Variants in SOD3 observed in about 807,000 individuals in gnomAD.
SOD3 encodes the protein superoxide dismutase 3, also known as extracellular superoxide dismutase [Cu-Zn].
SOD3 carries 3 observed loss-of-function variants against 2.6 expected under a neutral mutation model. That is an observed-to-expected ratio of 1.13 (90% CI 0.52 to 2.93). The LOEUF (loss-of-function observed/expected upper bound fraction) is 2.93. SOD3 is among the 30% of genes most tolerant of loss of function. The pLI is 0.04. For missense variants in SOD3, 379 were observed against 370.4 expected, an observed-to-expected ratio of 1.02 and a Z score of -0.19; for synonymous variants, 188 against 177.5, an observed-to-expected ratio of 1.06 and a Z score of -0.47.
rs1381983950 is a variant in SOD3, at chr4:24,800,112, G to A, written c.591G>A (p.Glu197=). 4 of 1,381,780 alleles carry A rather than the reference G, an allele frequency of 2.9e-6. No homozygotes were observed. The highest frequency in any genetic ancestry group is 3.7e-6 in the Non-Finnish European group (4 of 1,078,480). The allele number at this position is 1,381,780 out of a possible 1,614,324, so 85.6% of individuals were successfully genotyped here. ...LGRGGNQASV[E]NGNAGRRLAC... is the part of the protein sequence containing the mutation. The stretch of plus-strand genomic sequence containing the variant: ...GCGGCGGCAACCAGGCCAGCGTGGA[G>A]AACGGGAACGCGGGCCGGCGGCTGG... The change falls in exon 2 of 2, where the codon GAG becomes GAA. Residue 197 remains glutamate (E), a synonymous_variant. Transcript: ENST00000382120.
chr4:24,799,413 G>A lies in SOD3; in HGVS notation c.-16-93G>A, dbSNP rs1225722074. 7.0e-6 allele frequency: 10 copies of A among 1,436,754 alleles called. No homozygotes were observed. The Admixed American group carries it at 2.3e-4, about 33-fold the overall frequency. 89.0% of individuals were successfully genotyped at this position (1,436,754 alleles called of 1,614,324 possible). Reference sequence around the variant, plus strand: ...GGCCAGGAAGCCCACTGGGGACTGGGGGGTTGGTTCTGCGATAATGGGGTC... The same window carrying A: ...GGCCAGGAAGCCCACTGGGGACTGGAGGGTTGGTTCTGCGATAATGGGGTC... On this transcript the variant is annotated intron_variant, in intron 1 of 1. Transcript: ENST00000382120.
chr4:24,800,045 G>A lies in SOD3; in HGVS notation c.524G>A (p.Gly175Asp), dbSNP rs373731075. The A allele has an allele frequency of 1.2e-3, 1,783 of 1,487,564 alleles. 5 individuals carry two copies. Among genetic ancestry groups the A allele is most frequent in the Non-Finnish European group, 1.3e-3 (1,413 of 1,129,458 alleles). 92.1% of individuals were successfully genotyped at this position (1,487,564 alleles called of 1,614,324 possible). A position where few individuals can be genotyped will look rare whatever the true frequency, so the allele number is the denominator to read the frequency against. ...ASLAGPHSIV[G>D]RAVVVHAGED... ...CTCGCGGGCCCGCACTCCATCGTGG[G>A]CCGGGCCGTGGTCGTCCACGCTGGC... Residue 175 changes from glycine to aspartate, a missense_variant, in exon 2 of 2, where the codon GGC becomes GAC. By Grantham distance (94) the Gly-to-Asp change is moderately conservative. Transcript: ENST00000382120.
At chr4:24,797,878 T>C (rs17881426) in intron 1 of SOD3, among the ~76,000 whole-genome samples, 1 of 152,090 alleles carries the variant, frequency 6.6e-6, no homozygotes, top group African/African-American at 2.4e-5. Flanking sequence ...AATACCTCGG[T>C]GGCATGGCTG....
Position 24,799,758 on chromosome 4 carries a change from C to T in SOD3, c.237C>T (p.Thr79=), listed in dbSNP as rs1713781081. ...TGGACGCCGCGCAGCCCCGGGTGAC[C>T]GGCGTCGTCCTCTTCCGGCAGCTTG... ...ATLDAAQPRV[T]GVVLFRQLAP... Residue 79 remains threonine (T), a synonymous_variant, in exon 2 of 2, where the codon ACC becomes ACT. Transcript: ENST00000382120. The T allele has an allele frequency of 4.5e-6, 7 of 1,564,148 alleles. No homozygotes were observed. The highest frequency in any genetic ancestry group is 6.0e-6 in the Non-Finnish European group (7 of 1,161,390).
chr4:24,799,498 T>G lies in SOD3; in HGVS notation c.-16-8T>G, dbSNP rs1337765298. 6.3e-7 allele frequency: 1 copy of G among 1,595,572 alleles called. No homozygotes were observed. The highest frequency in any genetic ancestry group is 1.7e-5 in the Admixed American group (1 of 59,594). ...CTCTGCCCCCACCTCCGCGGGGGCG[T>G]CCCGCAGGTGCCCGACTCCAGCCAT... On this transcript the variant is annotated splice_polypyrimidine_tract_variant and splice_region_variant and intron_variant, in intron 1 of 1. Transcript: ENST00000382120.
In SOD3 at chr4:24,800,204, G is replaced by A. The variant is rs1329382617; in HGVS notation, c.683G>A (p.Arg228His). The A allele has an allele frequency of 1.4e-6, 2 of 1,432,504 alleles. No homozygotes were observed. Among genetic ancestry groups the A allele is most frequent in the Non-Finnish European group, 1.8e-6 (2 of 1,099,192 alleles). The allele number at this position is 1,432,504 out of a possible 1,614,324, so 88.7% of individuals were successfully genotyped here. A position where few individuals can be genotyped will look rare whatever the true frequency, so the allele number is the denominator to read the frequency against. Reference protein sequence around the residue: ...WERQAREHSERKKRRRESECK... With the variant: ...WERQAREHSEHKKRRRESECK... ...CGCCAGGCGCGGGAGCACTCAGAGC[G>A]CAAGAAGCGGCGGCGCGAGAGCGAG... The change falls in exon 2 of 2, where the codon CGC (arginine) becomes CAC (histidine). Residue 228 changes from arginine (R) to histidine (H), a missense_variant. By Grantham distance (29) the Arg-to-His change is conservative (BLOSUM62 0). Transcript: ENST00000382120.
intron 1 of SOD3, among the ~76,000 whole-genome samples, chr4:24,796,304 G>C (rs1489086373): frequency 6.6e-6 from 1 of 152,182 alleles, no homozygotes; most frequent in Non-Finnish European, 1.5e-5. Flanking sequence ...TGAGCAAGAG[G>C]CTGTGGGAGA....
Position 24,799,595 on chromosome 4 carries a change from C to A in SOD3, c.74C>A (p.Ala25Glu). The A allele has an allele frequency of 6.2e-7, 1 of 1,603,440 alleles. No homozygotes were observed. The highest frequency in any genetic ancestry group is 2.2e-5 in the East Asian group (1 of 44,674). ...GACGCCTGGACGGGCGAGGACTCGG[C>A]GGAGCCCAACTCTGACTCGGCGGAG... is the stretch of plus-strand genomic sequence containing the variant. ...ASDAWTGEDS[A>E]EPNSDSAEWI... Residue 25 changes from alanine (A) to glutamate (E), a missense_variant, in exon 2 of 2, where the codon GCG (alanine) becomes GAG (glutamate). Transcript: ENST00000382120.
chr4:24,799,762 G>A lies in SOD3; in HGVS notation c.241G>A (p.Val81Ile). 2 of 1,567,712 alleles carry A rather than the reference G, an allele frequency of 1.3e-6. No homozygotes were observed. The highest frequency in any genetic ancestry group is 1.7e-6 in the Non-Finnish European group (2 of 1,163,236). Reference sequence around the variant, plus strand: ...CGCCGCGCAGCCCCGGGTGACCGGCGTCGTCCTCTTCCGGCAGCTTGCGCC... The same window carrying A: ...CGCCGCGCAGCCCCGGGTGACCGGCATCGTCCTCTTCCGGCAGCTTGCGCC... ...LDAAQPRVTG[V>I]VLFRQLAPRA... The change falls in exon 2 of 2, where the codon GTC (valine) becomes ATC (isoleucine). Residue 81 changes from valine to isoleucine, a missense_variant. Transcript: ENST00000382120.
At position 24,799,845 on chromosome 4, in the gene SOD3, C is replaced by T. The variant is rs1195699623; in HGVS notation, c.324C>T (p.Ser108=). The T allele has an allele frequency of 6.2e-7, 1 of 1,602,092 alleles. No homozygotes were observed. Among genetic ancestry groups the T allele is most frequent in the Non-Finnish European group, 8.5e-7 (1 of 1,179,146 alleles). The change falls in exon 2 of 2, where the codon AGC becomes AGT. Residue 108 remains serine (S), a synonymous_variant. Transcript: ENST00000382120. ...AGGGCTTCCCGACCGAGCCGAACAG[C>T]TCCAGCCGCGCCATCCACGTGCACC... ...ALEGFPTEPN[S]SSRAIHVHQF... is the part of the protein sequence containing the mutation.
At position 24,799,566 on chromosome 4, in the gene SOD3, C is replaced by T. The variant is rs1350272929; in HGVS notation, c.45C>T (p.Ala15=). 6.2e-7 allele frequency: 1 copy of T among 1,602,238 alleles called. No individual in the cohort carries two copies. Among genetic ancestry groups the T allele is most frequent in the Non-Finnish European group, 8.5e-7 (1 of 1,179,068 alleles). The change falls in exon 2 of 2, where the codon GCC becomes GCT. Residue 15 remains alanine, a synonymous_variant. Coordinates refer to ENST00000382120, the MANE Select transcript of SOD3 (RefSeq NM_003102.4). Reference sequence around the variant, plus strand: ...CCTGCCTGCTCCTGGCAGCCGGTGCCTCGGACGCCTGGACGGGCGAGGACT... The same window carrying T: ...CCTGCCTGCTCCTGGCAGCCGGTGCTTCGGACGCCTGGACGGGCGAGGACT... ...LCSCLLLAAG[A]SDAWTGEDSA... is the part of the protein sequence containing the mutation.
Position 24,797,466 on chromosome 4 carries a change from C to T in SOD3, c.-17+1815C>T, listed in dbSNP as rs191640263. 5.9e-5 allele frequency among the ~76,000 whole-genome samples: 9 copies of T among 152,276 alleles called. No individual in the cohort carries two copies. In the East Asian group the frequency reaches 9.7e-4, roughly 16 times the overall value. Reference sequence around the variant, plus strand: ...GCACAGTACTTATAATAGTGTCTGGCGCCTGTGTTCGATAAGTTTTAGCAA... The same window carrying T: ...GCACAGTACTTATAATAGTGTCTGGTGCCTGTGTTCGATAAGTTTTAGCAA... On this transcript the variant is annotated intron_variant, in intron 1 of 1. Transcript: ENST00000382120.
Position 24,799,563 on chromosome 4 carries a change from T to C in SOD3, c.42T>C (p.Gly14=). The part of the protein sequence containing the change: ...LLCSCLLLAA[G]ASDAWTGEDS... The stretch of plus-strand genomic sequence containing the variant: ...GTTCCTGCCTGCTCCTGGCAGCCGG[T>C]GCCTCGGACGCCTGGACGGGCGAGG... Residue 14 remains glycine (G), a synonymous_variant, in exon 2 of 2, where the codon GGT becomes GGC. Coordinates refer to ENST00000382120, the MANE Select transcript of SOD3 (RefSeq NM_003102.4). The C allele has an allele frequency of 6.2e-7, 1 of 1,602,064 alleles. No individual in the cohort carries two copies. The highest frequency in any genetic ancestry group is 8.5e-7 in the Non-Finnish European group (1 of 1,179,110).
rs144089452 is a variant in SOD3 at position 24,799,604 on chromosome 4, A to G, written c.83A>G (p.Asn28Ser). The change falls in exon 2 of 2, where the codon AAC (asparagine) becomes AGC (serine). Residue 28 changes from asparagine to serine, a missense_variant. Physicochemically the swap from Asn to Ser is conservative, Grantham distance 46 (BLOSUM62 1). Transcript: ENST00000382120. Reference sequence around the variant, plus strand: ...ACGGGCGAGGACTCGGCGGAGCCCAACTCTGACTCGGCGGAGTGGATCCGA... The same window carrying G: ...ACGGGCGAGGACTCGGCGGAGCCCAGCTCTGACTCGGCGGAGTGGATCCGA... Reference protein sequence around the residue: ...AWTGEDSAEPNSDSAEWIRDM... With the variant: ...AWTGEDSAEPSSDSAEWIRDM... 467 of 1,604,566 alleles carry G rather than the reference A, an allele frequency of 2.9e-4. 2 individuals carry two copies. The African/African-American group carries it at 5.3e-3, about 18-fold the overall frequency.
At chr4:24,798,181 T>C (rs1455403509) in intron 1 of SOD3, among the ~76,000 whole-genome samples, 3 of 152,010 alleles carry the variant, frequency 2.0e-5, no homozygotes, top group African/African-American at 7.3e-5. Context: ...TGATGTGCAG[T>C]CAACACTGAG....
rs1362010994 is a variant in SOD3, at chr4:24,799,999, C to T, written c.478C>T (p.Arg160Cys). The change falls in exon 2 of 2, where the codon CGC becomes TGC. Residue 160 changes from arginine (R) to cysteine (C), a missense_variant. Arg to Cys is a radical substitution (Grantham distance 180, BLOSUM62 -3). Coordinates refer to ENST00000382120, the MANE Select transcript of SOD3 (RefSeq NM_003102.4). ...AVRDGSLWRY[R>C]AGLAASLAGP... ...CCGCGACGGCAGCCTCTGGAGGTACCGCGCCGGCCTGGCCGCCTCGCTCGC... is the reference window on the plus strand; with the variant it reads ...CCGCGACGGCAGCCTCTGGAGGTACTGCGCCGGCCTGGCCGCCTCGCTCGC... The T allele has an allele frequency of 6.4e-7, 1 of 1,566,832 alleles. No homozygotes were observed. Among genetic ancestry groups the T allele is most frequent in the Non-Finnish European group, 8.6e-7 (1 of 1,165,826 alleles).
intron 1 of SOD3, among the ~76,000 whole-genome samples, chr4:24,797,108 A>G (rs1713687992): frequency 6.6e-6 from 1 of 152,080 alleles, no homozygotes; most frequent in Non-Finnish European, 1.5e-5. Context: ...GAGCCTTTCA[A>G]GGGGACCTCC....
intron 1 of SOD3, among the ~76,000 whole-genome samples, chr4:24,797,499 C>A (rs763538320): frequency 2.0e-5 from 3 of 152,186 alleles, no homozygotes; most frequent in Non-Finnish European, 4.4e-5. Context: ...CAATTCTAAT[C>A]ATCTCTTTTA....
chr4:24,796,179 CCTGTCCTCTTTCTCTGATAACA>C (rs1459346269), intron 1 of SOD3, among the ~76,000 whole-genome samples: 5 of 151,788 alleles, frequency 3.3e-5, no homozygotes, highest in East Asian at 1.9e-4. Context: ...GATAAGGGCC[CCTGTCCTCTTTCTCTGATAACA>C]CTGTCCTCTT....
Sources: gnomAD v4.1 joint callset for allele counts (sites outside exome capture counted in the v4.1 genomes callset) on GRCh38, gnomAD v4.1.1 for gene constraint, MANE v1.5 for transcripts, NCBI Gene and HGNC (gene_info 2026-07-23, HGNC 2026-07-21) for gene names.